The following PACSIN2 variants were observed in gnomAD, a reference collection of about 807,000 sequenced individuals.
PACSIN2 encodes the protein protein kinase C and casein kinase substrate in neurons protein 2.
Under a neutral mutation model 63.8 loss-of-function variants are expected in PACSIN2, and 25 were observed. The ratio of observed to expected loss-of-function variants is 0.39; its 90% CI spans 0.29 to 0.55. PACSIN2 has a LOEUF of 0.55. Ranked by LOEUF, PACSIN2 falls within the 20% of genes least tolerant of loss-of-function variation. PACSIN2 has a pLI of 0.62. For missense variants in PACSIN2, 518 were observed against 646.9 expected, an observed-to-expected ratio of 0.80 and a Z score of 2.16; for synonymous variants, 255 against 256.2, an observed-to-expected ratio of 1.00 and a Z score of 0.05.
chr22:42,988,120 T>A (rs1007698905), intron 1 of PACSIN2, among the ~76,000 whole-genome samples: 2 of 151,996 alleles, frequency 1.3e-5, no homozygotes, highest in African/African-American at 4.8e-5. Context: ...CTGGGCAACA[T>A]AACGAGACTG....
At chr22:42,922,999 C>A (rs773708973) in intron 1 of PACSIN2, among the ~76,000 whole-genome samples, 1 of 152,130 alleles carries the variant, frequency 6.6e-6, no homozygotes, top group East Asian at 1.9e-4. Context: ...GGGGAGGGGT[C>A]TTTCCGGCAG....
chr22:42,966,745 C>T (rs187384062), intron 1 of PACSIN2, among the ~76,000 whole-genome samples: 34 of 152,284 alleles, frequency 2.2e-4, no homozygotes, highest in African/African-American at 7.7e-4. Context: ...TAAGATGTCA[C>T]GCAGCCTCAT....
At chr22:43,000,930 C>T (rs536907210) in intron 1 of PACSIN2, among the ~76,000 whole-genome samples, 51 of 152,300 alleles carry the variant, frequency 3.3e-4, no homozygotes, top group African/African-American at 1.2e-3. Flanking sequence ...CCTGCTTTTG[C>T]GTGACTCTCA....
intron 1 of PACSIN2, among the ~76,000 whole-genome samples, chr22:42,972,366 T>G (rs564576806): frequency 6.6e-6 from 1 of 152,354 alleles, no homozygotes; most frequent in African/African-American, 2.4e-5. Context: ...ACATAAACAT[T>G]GCGGAAGGCC....
intron 1 of PACSIN2, among the ~76,000 whole-genome samples, chr22:43,011,776 C>T (rs1430964520): frequency 6.6e-6 from 1 of 152,050 alleles, no homozygotes; most frequent in African/African-American, 2.4e-5. Context: ...CTTTGGGAAG[C>T]TGAGGTGGGC....
At chr22:42,877,369 TG>T (rs912866048) in intron 8 of PACSIN2, among the ~76,000 whole-genome samples, 13 of 152,028 alleles carry the variant, frequency 8.6e-5, no homozygotes, top group African/African-American at 2.7e-4. Context: ...CAATGTGAGC[TG>T]GGGGGGTCAA....
chr22:42,967,207 C>T (rs1297570714), intron 1 of PACSIN2, among the ~76,000 whole-genome samples: 1 of 152,078 alleles, frequency 6.6e-6, no homozygotes, highest in African/African-American at 2.4e-5. Flanking sequence ...TGAGCTGAAT[C>T]ACGTAAACAA....
intron 5 of PACSIN2, among the ~76,000 whole-genome samples, chr22:42,886,407 G>GGTAT (rs1555909029): frequency 1.1e-4 from 16 of 140,344 alleles, no homozygotes; most frequent in East Asian, 4.3e-4. Flanking sequence ...AGTCAGCAAT[G>GGTAT]GTATGTATGT....
intron 1 of PACSIN2, among the ~76,000 whole-genome samples, chr22:42,930,291 T>C (rs922135334): frequency 6.6e-6 from 1 of 152,196 alleles, no homozygotes; most frequent in African/African-American, 2.4e-5. Context: ...TCACACACTT[T>C]CCTGCTACCT....
At chr22:42,936,402 C>T (rs768842317) in intron 1 of PACSIN2, among the ~76,000 whole-genome samples, 4 of 152,064 alleles carry the variant, frequency 2.6e-5, no homozygotes, top group Non-Finnish European at 4.4e-5. Context: ...AGAATGACCC[C>T]GGACTTAGCA....
chr22:42,901,918 C>T (rs925244903), intron 2 of PACSIN2, among the ~76,000 whole-genome samples: 1 of 152,248 alleles, frequency 6.6e-6, no homozygotes, highest in African/African-American at 2.4e-5. Flanking sequence ...TGGCTCGCCC[C>T]TGGCCCTTCC....
At chr22:42,956,435 C>T (rs1933919537) in intron 1 of PACSIN2, among the ~76,000 whole-genome samples, 1 of 152,166 alleles carries the variant, frequency 6.6e-6, no homozygotes, top group Non-Finnish European at 1.5e-5. Flanking sequence ...ATTTAGACCA[C>T]CTAGTGAAAT....
At chr22:42,949,677 TACACTCACACACAC>T (rs1247005964) in intron 1 of PACSIN2, among the ~76,000 whole-genome samples, 5 of 150,122 alleles carry the variant, frequency 3.3e-5, no homozygotes, top group Non-Finnish European at 4.4e-5. Flanking sequence ...CACACACACA[TACACTCACACACAC>T]ACACTCACAC....
intron 7 of PACSIN2, among the ~76,000 whole-genome samples, chr22:42,881,507 G>A (rs937489851): frequency 1.3e-5 from 2 of 152,206 alleles, no homozygotes; most frequent in East Asian, 3.8e-4. Flanking sequence ...TCCCTGCTGG[G>A]GCAGCTGACG....
intron 1 of PACSIN2, among the ~76,000 whole-genome samples, chr22:42,982,869 T>TAAAAAAAAAAAAAAAAAAAA (rs1252040629): frequency 1.4e-4 from 6 of 43,998 alleles, no homozygotes; most frequent in Non-Finnish European, 1.5e-4. Flanking sequence ...GAATGATCAA[T>TAAAAAAAAAAAAAAAAAAAA]AAAAAAAAAA....
intron 1 of PACSIN2, among the ~76,000 whole-genome samples, chr22:42,990,887 A>G (rs1283255928): frequency 3.9e-5 from 6 of 152,218 alleles, no homozygotes; most frequent in Non-Finnish European, 5.9e-5. Context: ...TCAATGTTCA[A>G]TAACAAAAAG....
At chr22:42,916,402 T>C (rs1029209164) in intron 1 of PACSIN2, among the ~76,000 whole-genome samples, 1 of 784 alleles carries the variant, frequency 1.3e-3, no homozygotes, top group Admixed American at 0.014. Flanking sequence ...CAACCTGGGG[T>C]GGGGGTGGGG....
intron 1 of PACSIN2, among the ~76,000 whole-genome samples, chr22:42,997,145 T>C (rs1165061985): frequency 1.3e-5 from 2 of 152,206 alleles, no homozygotes; most frequent in Non-Finnish European, 2.9e-5. Context: ...GGGTGTTTAA[T>C]CACGCTCTGC....
chr22:42,982,891 C>CAAAAAAA (rs1227335781), intron 1 of PACSIN2, among the ~76,000 whole-genome samples: 3 of 82,706 alleles, frequency 3.6e-5, no homozygotes, highest in African/African-American at 1.2e-4. Flanking sequence ...AAAAAAAAAA[C>CAAAAAAA]AACAACAAGG....
Sources: allele counts gnomAD v4.1 joint callset (sites outside exome capture counted in the v4.1 genomes callset), GRCh38; gene constraint gnomAD v4.1.1; transcripts MANE v1.5; gene names NCBI Gene and HGNC (gene_info 2026-07-23, HGNC 2026-07-21).